EPS15: variants seen among roughly 807,000 people sequenced by gnomAD.
EPS15 encodes the protein epidermal growth factor receptor pathway substrate 15.
In EPS15, 72 loss-of-function variants were observed where a neutral mutation model predicts 113.8. The observed-to-expected ratio is 0.63, with a 90% CI of 0.52 to 0.77. EPS15 has a LOEUF of 0.77. Among genes scored for constraint, EPS15 ranks in the 30% least tolerant of loss-of-function variants. EPS15 has a pLI of 0.00. For missense variants in EPS15, 1,048 were observed against 1,045.8 expected, an observed-to-expected ratio of 1.00 and a Z score of -0.03; for synonymous variants, 344 against 363.4, an observed-to-expected ratio of 0.95 and a Z score of 0.61.
intron 1 of EPS15, among the ~76,000 whole-genome samples, chr1:51,490,146 T>C (rs1037848581): frequency 6.6e-6 from 1 of 152,352 alleles, no homozygotes; most frequent in African/African-American, 2.4e-5. Flanking sequence ...ATTTCTGGTG[T>C]CATTTTTAGG....
At chr1:51,383,097 C>T (rs1040835306) in intron 21 of EPS15, among the ~76,000 whole-genome samples, 2 of 152,184 alleles carry the variant, frequency 1.3e-5, no homozygotes, top group Non-Finnish European at 2.9e-5. Flanking sequence ...CAATGTAATA[C>T]ACCACATTAA....
At chr1:51,514,940 A>G (rs868730098) in intron 1 of EPS15, among the ~76,000 whole-genome samples, 4 of 152,334 alleles carry the variant, frequency 2.6e-5, no homozygotes, top group Middle Eastern at 6.8e-3. Context: ...GTTGAGAACA[A>G]TATCACTTTT....
intron 13 of EPS15, among the ~76,000 whole-genome samples, chr1:51,417,315 C>A (rs193073836): frequency 1.2e-4 from 19 of 152,164 alleles, no homozygotes; most frequent in African/African-American, 4.3e-4. Flanking sequence ...AGAAGTCTGA[C>A]TTTTCATGAT....
intron 1 of EPS15, among the ~76,000 whole-genome samples, chr1:51,515,726 A>G (rs1026588607): frequency 6.6e-6 from 1 of 152,128 alleles, no homozygotes. Context: ...GCATATGCCG[A>G]AAAAAAAGAA....
intron 8 of EPS15, among the ~76,000 whole-genome samples, chr1:51,455,270 C>T (rs1653902588): frequency 6.6e-6 from 1 of 152,168 alleles, no homozygotes; most frequent in African/African-American, 2.4e-5. Flanking sequence ...ATTTTAGATA[C>T]ATTTCTAGTT....
chr1:51,440,915 G>A (rs1652547302), intron 11 of EPS15, among the ~76,000 whole-genome samples: 1 of 151,912 alleles, frequency 6.6e-6, no homozygotes, highest in South Asian at 2.1e-4. Flanking sequence ...TTTTACTTTT[G>A]TTACATACTG....
At chr1:51,518,413 C>G (rs893217279) in intron 1 of EPS15, 1 of 152,516 alleles carries the variant, frequency 6.6e-6, no homozygotes, top group African/African-American at 2.4e-5. Context: ...GCCACCACAC[C>G]CGTTAAAGGG....
At chr1:51,516,906 C>T (rs946361056) in intron 1 of EPS15, among the ~76,000 whole-genome samples, 4 of 152,150 alleles carry the variant, frequency 2.6e-5, no homozygotes, top group African/African-American at 9.7e-5. Flanking sequence ...AAAGATGTCC[C>T]TGCCCTGAAT....
At chr1:51,430,089 G>C (rs1287496299) in intron 12 of EPS15, among the ~76,000 whole-genome samples, 1 of 152,116 alleles carries the variant, frequency 6.6e-6, no homozygotes, top group African/African-American at 2.4e-5. Context: ...AGGAAGCAGA[G>C]GCTCTTATCG....
intron 5 of EPS15, among the ~76,000 whole-genome samples, chr1:51,465,794 C>A (rs1654801386): frequency 6.6e-6 from 1 of 151,910 alleles, no homozygotes; most frequent in African/African-American, 2.4e-5. Context: ...AACCTTCTGA[C>A]TACATGCCTA....
intron 24 of EPS15, among the ~76,000 whole-genome samples, chr1:51,358,695 A>G (rs1646299054): frequency 7.1e-6 from 1 of 140,396 alleles, no homozygotes. Flanking sequence ...TTCCAACCAG[A>G]TTTGTTTTTT....
At chr1:51,411,428 A>G (rs535233890) in intron 13 of EPS15, among the ~76,000 whole-genome samples, 2 of 152,296 alleles carry the variant, frequency 1.3e-5, no homozygotes, top group South Asian at 4.1e-4. Flanking sequence ...CAAAGGACTG[A>G]TAAATGGAAC....
intron 12 of EPS15, among the ~76,000 whole-genome samples, chr1:51,431,996 T>C (rs554154286): frequency 2.0e-5 from 3 of 152,176 alleles, no homozygotes; most frequent in African/African-American, 7.2e-5. Flanking sequence ...TACCATTACA[T>C]TGTTTACTAG....
intron 8 of EPS15, among the ~76,000 whole-genome samples, chr1:51,450,125 G>C (rs1366032686): frequency 1.3e-5 from 2 of 151,622 alleles, no homozygotes; most frequent in Non-Finnish European, 2.9e-5. Flanking sequence ...GGTATTTTTG[G>C]GCTTCAGCTA....
At position 51,361,342 on chromosome 1, in the gene EPS15, G is replaced by T; in HGVS notation, c.2373C>A (p.Ile791=). 3 of 1,610,170 alleles carry T rather than the reference G, an allele frequency of 1.9e-6. No individual in the cohort carries two copies. The highest frequency in any genetic ancestry group is 1.3e-5 in the African/African-American group (1 of 74,806). The change falls in exon 24 of 25, where the codon ATC becomes ATA. Residue 791 remains isoleucine, a synonymous_variant. Coordinates refer to ENST00000371733, the MANE Select transcript of EPS15 (RefSeq NM_001981.3). The stretch of plus-strand genomic sequence containing the variant: ...AGGGATCAGGAGAATCCAATTTGTT[G>T]ATGGATCTTTTCCCTGGATCAAAAT... The part of the protein sequence containing the change: ...PCPLPPGKRS[I]NKLDSPDPFK...
chr1:51,376,017 T>C (rs1208184552), intron 21 of EPS15, among the ~76,000 whole-genome samples: 1 of 152,228 alleles, frequency 6.6e-6, no homozygotes, highest in Admixed American at 6.5e-5. Flanking sequence ...AATTGATCTA[T>C]AAAGGTGGCT....
At chr1:51,435,263 G>A (rs1171786679) in intron 12 of EPS15, among the ~76,000 whole-genome samples, 3 of 151,286 alleles carry the variant, frequency 2.0e-5, no homozygotes, top group East Asian at 1.9e-4. Context: ...GAGTGATCTC[G>A]GCTCACTGCA....
intron 21 of EPS15, chr1:51,372,366 A>G (rs984460316): frequency 5.6e-6 from 3 of 536,492 alleles, no homozygotes; most frequent in African/African-American, 1.9e-5. Context: ...CCAGCAGTGC[A>G]TTGTTGGTGT....
At chr1:51,487,156 T>A (rs1644139581) in intron 1 of EPS15, among the ~76,000 whole-genome samples, 1 of 152,170 alleles carries the variant, frequency 6.6e-6, no homozygotes, top group Non-Finnish European at 1.5e-5. Context: ...TGCAAAATAC[T>A]GCAATTTTAT....
Sources: allele counts gnomAD v4.1 joint callset (sites outside exome capture counted in the v4.1 genomes callset), GRCh38; gene constraint gnomAD v4.1.1; transcripts MANE v1.5; gene names NCBI Gene and HGNC (gene_info 2026-07-23, HGNC 2026-07-21).